GALNS: variants seen among roughly 807,000 people sequenced by gnomAD.
The protein encoded by GALNS is galactosamine (N-acetyl)-6-sulfatase.
In GALNS, 65 loss-of-function variants were observed where a neutral mutation model predicts 65.9. That is an observed-to-expected ratio of 0.99 (90% CI 0.81 to 1.21). GALNS has a LOEUF of 1.21. Among genes scored for constraint, GALNS ranks in the 50% most tolerant of loss-of-function variants. The pLI, the probability that GALNS is intolerant of heterozygous loss-of-function variation, is 0.00. For synonymous variants in GALNS, 346 were observed against 288.9 expected, an observed-to-expected ratio of 1.20 and a Z score of -2.00; for missense variants, 776 against 700.7, an observed-to-expected ratio of 1.11 and a Z score of -1.21.
chr16:88,840,289 G>A (rs1373986558), intron 4 of GALNS: 1 of 153,244 alleles, frequency 6.5e-6, no homozygotes, highest in African/African-American at 2.4e-5. Context: ...ACAGGCAGCC[G>A]ACTGGGGATC....
chr16:88,856,784 T>C lies in GALNS; in HGVS notation c.94A>G (p.Asn32Asp), dbSNP rs2143013538. The change falls in exon 1 of 14, where the codon AAC becomes GAC. Residue 32 changes from asparagine to aspartate, a missense_variant. Coordinates refer to ENST00000268695, the MANE Select transcript of GALNS (RefSeq NM_000512.5). The part of the protein sequence containing the change: ...MGASGAPQPP[N>D]ILLLLMDDMG... ...TCGTCCATGAGCAGGAGCAGGATGT[T>C]GGGGGGCTGCGGGGCGCCCGAGGCC... The C allele has an allele frequency of 6.5e-7, 1 of 1,542,300 alleles. No individual in the cohort carries two copies. Among genetic ancestry groups the C allele is most frequent in the African/African-American group, 1.4e-5 (1 of 71,092 alleles).
intron 4 of GALNS, chr16:88,838,692 A>T (rs1436829320): frequency 6.6e-6 from 1 of 152,294 alleles, no homozygotes; most frequent in South Asian, 2.1e-4. Context: ...GAACGAATCC[A>T]GCTTGCGGCT....
At position 88,814,408 on chromosome 16, in the gene GALNS, A is replaced by C. The variant is rs1909414529; in HGVS notation, c.*31T>G. 3.2e-6 allele frequency: 5 copies of C among 1,551,334 alleles called. No homozygotes were observed. In the East Asian group the frequency reaches 1.2e-4, roughly 38 times the overall value. On this transcript the variant is annotated 3_prime_UTR_variant, in exon 14 of 14. Transcript: ENST00000268695. ...CAGGCACTTGCAGGGCCAACCGGAG[A>C]TTCTAGGCCTGGCCTGAGTCTGCGC...
intron 1 of GALNS, chr16:88,855,135 T>G: frequency 1.8e-6 from 1 of 568,404 alleles, no homozygotes. Flanking sequence ...AAATACAGAC[T>G]AACTTTATAT....
chr16:88,818,661 G>C (rs2142984718), intron 12 of GALNS, among the ~76,000 whole-genome samples: 1 of 152,354 alleles, frequency 6.6e-6, no homozygotes. Flanking sequence ...AGGTGCCACG[G>C]TTCGCGATGT....
In GALNS at chr16:88,841,061, G is replaced by A; in HGVS notation, c.353C>T (p.Pro118Leu). ...YTPQEIVGGI[P>L]DSEQLLPELL... ...CTCCGGCAGGAGCTGCTCCGAGTCT[G>A]GGATGCCGCCCACAATCTCCTGCGG... The change falls in exon 4 of 14, where the codon CCA becomes CTA. Residue 118 changes from proline (P) to leucine (L), a missense_variant. By Grantham distance (98) the Pro-to-Leu change is moderately conservative. Transcript: ENST00000268695. 1.9e-6 allele frequency: 3 copies of A among 1,613,242 alleles called. No individual in the cohort carries two copies. Among genetic ancestry groups the A allele is most frequent in the Non-Finnish European group, 2.5e-6 (3 of 1,179,986 alleles).
chr16:88,834,042 G>C (rs1911806295), intron 8 of GALNS, among the ~76,000 whole-genome samples: 2 of 151,976 alleles, frequency 1.3e-5, no homozygotes, highest in African/African-American at 2.4e-5. Flanking sequence ...CCTGCCTCCT[G>C]GGAGCTGCCT....
chr16:88,832,263 G>A (rs1397915089), intron 8 of GALNS, among the ~76,000 whole-genome samples, 162 bp from the exon 9 acceptor site: 3 of 152,154 alleles, frequency 2.0e-5, no homozygotes, highest in Non-Finnish European at 1.5e-5. Flanking sequence ...CTCTCCAGGG[G>A]CTCATCTGAG....
chr16:88,842,077 A>T, intron 2 of GALNS, 106 bp from the exon 3 acceptor site: 1 of 1,011,820 alleles, frequency 9.9e-7, no homozygotes, highest in Non-Finnish European at 1.5e-6. Context: ...CAGACGAGGC[A>T]CGCGCAGGTT....
chr16:88,823,376 C>G (rs1484596312), intron 11 of GALNS, among the ~76,000 whole-genome samples: 1 of 152,288 alleles, frequency 6.6e-6, no homozygotes, highest in Non-Finnish European at 1.5e-5. Flanking sequence ...TCTGCTGCCC[C>G]TGGGCCTCCT....
At chr16:88,816,923 G>T (rs1909690208) in intron 13 of GALNS, 6 of 985,362 alleles carry the variant, frequency 6.1e-6, no homozygotes, top group Non-Finnish European at 7.2e-6. Flanking sequence ...GTAAACAGGT[G>T]AGCGACGGCC....
At chr16:88,850,535 C>T (rs967433829) in intron 1 of GALNS, among the ~76,000 whole-genome samples, 9 of 152,074 alleles carry the variant, frequency 5.9e-5, no homozygotes, top group African/African-American at 2.2e-4. Flanking sequence ...GGGGGCTCCA[C>T]GCTCACCACT....
At chr16:88,831,010 C>T (rs928570636) in intron 9 of GALNS, among the ~76,000 whole-genome samples, 1 of 152,186 alleles carries the variant, frequency 6.6e-6, no homozygotes, top group Non-Finnish European at 1.5e-5. Flanking sequence ...AGGGAAGAAA[C>T]CTGTTTAGCT....
At chr16:88,824,283 G>A (rs1437527456) in intron 11 of GALNS, among the ~76,000 whole-genome samples, 2 of 152,116 alleles carry the variant, frequency 1.3e-5, no homozygotes, top group African/African-American at 4.8e-5. Flanking sequence ...AAAGCCTGGC[G>A]CTGACAATGC....
intron 8 of GALNS, among the ~76,000 whole-genome samples, chr16:88,832,726 G>T (rs1460035195): frequency 6.6e-6 from 1 of 152,188 alleles, no homozygotes; most frequent in East Asian, 1.9e-4. Context: ...TGAGCCACTT[G>T]AGGCTCTCTC....
Position 88,826,811 on chromosome 16 carries a change from C to G in GALNS, c.1030G>C (p.Asp344His). 1 of 1,592,034 alleles carries G rather than the reference C, an allele frequency of 6.3e-7. No individual in the cohort carries two copies. Among genetic ancestry groups the G allele is most frequent in the Non-Finnish European group, 8.5e-7 (1 of 1,169,948 alleles). Reference sequence around the variant, plus strand: ...AGGGCCAGGCTGGTGGTGAAGAGGTCCATGATGCTGCCCAGCTGGTGGCTC... The same window carrying G: ...AGGGCCAGGCTGGTGGTGAAGAGGTGCATGATGCTGCCCAGCTGGTGGCTC... ...QVSHQLGSIMDLFTTSLALAG... is the reference protein window; with the variant it reads ...QVSHQLGSIMHLFTTSLALAG... The change falls in exon 10 of 14, where the codon GAC becomes CAC. Residue 344 changes from aspartate to histidine, a missense_variant. Coordinates refer to ENST00000268695, the MANE Select transcript of GALNS (RefSeq NM_000512.5).
chr16:88,832,249 G>T, intron 8 of GALNS, 148 bp from the exon 9 acceptor site: 1 of 761,608 alleles, frequency 1.3e-6, no homozygotes, highest in Non-Finnish European at 2.3e-6. Flanking sequence ...GAGCCTCGGG[G>T]TGGCTCTCCA....
At position 88,837,193 on chromosome 16, in the gene GALNS, T is replaced by C. The variant is rs956540015; in HGVS notation, c.566+429A>G. ...CCACGCCCGGGCACCAGGACGGCTC[T>C]GTCTGGACAGCGGCTTTTGCTCCTG... On this transcript the variant is annotated intron_variant, in intron 5 of 13. Transcript: ENST00000268695. Among the ~76,000 whole-genome samples, 3 of 152,310 alleles carry C rather than the reference T, an allele frequency of 2.0e-5. No individual in the cohort carries two copies. The East Asian group carries it at 5.8e-4, about 29-fold the overall frequency.
intron 12 of GALNS, 116 bp from the exon 13 acceptor site, chr16:88,818,240 G>T: frequency 7.1e-6 from 6 of 840,544 alleles, no homozygotes; most frequent in Non-Finnish European, 1.2e-5. Flanking sequence ...ACAGTGAGCA[G>T]TCACTGGGAC....
Sources: gnomAD v4.1 joint callset for allele counts (sites outside exome capture counted in the v4.1 genomes callset) on GRCh38, gnomAD v4.1.1 for gene constraint, MANE v1.5 for transcripts, NCBI Gene and HGNC (gene_info 2026-07-23, HGNC 2026-07-21) for gene names.